ZNF385B: variants seen among roughly 807,000 people sequenced by gnomAD.
ZNF385B encodes the protein zinc finger protein 385B, also known as zinc finger protein 533.
A neutral mutation model predicts 39.2 loss-of-function variants in ZNF385B; 23 were observed. That is an observed-to-expected ratio of 0.59 (90% CI 0.42 to 0.83). ZNF385B has a LOEUF of 0.83. Among genes scored for constraint, ZNF385B ranks in the 40% least tolerant of loss-of-function variants. ZNF385B has a pLI of 0.00. For missense variants in ZNF385B, 552 were observed against 598.9 expected (o/e 0.92, Z 0.82); for synonymous variants, 205 against 222.6 (o/e 0.92, Z 0.70).
chr2:179,542,336 A>G (rs927141057), intron 4 of ZNF385B, among the ~76,000 whole-genome samples: 10 of 152,240 alleles, frequency 6.6e-5, no homozygotes, highest in African/African-American at 1.9e-4. Flanking sequence ...CTCCTGTTTG[A>G]TAAATGCCAC....
intron 3 of ZNF385B, among the ~76,000 whole-genome samples, chr2:179,618,173 T>TA (rs1183486058): frequency 2.6e-5 from 4 of 152,134 alleles, no homozygotes; most frequent in South Asian, 2.1e-4. Context: ...CAAGGAAGAA[T>TA]AAAAAAACAT....
chr2:179,662,070 T>G (rs1205663028), intron 3 of ZNF385B, among the ~76,000 whole-genome samples: 1 of 152,212 alleles, frequency 6.6e-6, no homozygotes, highest in South Asian at 2.1e-4. Flanking sequence ...GGGATATAGA[T>G]TTGTTATTAG....
intron 1 of ZNF385B, among the ~76,000 whole-genome samples, chr2:179,775,778 A>T (rs1413510985): frequency 2.6e-5 from 4 of 152,348 alleles, no homozygotes. Context: ...CTATTCTGTA[A>T]TGGAGACTCT....
intron 1 of ZNF385B, among the ~76,000 whole-genome samples, chr2:179,796,945 TA>T (rs1559202979): frequency 6.6e-6 from 1 of 152,140 alleles, no homozygotes; most frequent in African/African-American, 2.4e-5. Context: ...AGGATTCTGG[TA>T]AATTTTAAGC....
chr2:179,564,388 A>C (rs1684309744), intron 3 of ZNF385B, among the ~76,000 whole-genome samples: 1 of 152,108 alleles, frequency 6.6e-6, no homozygotes, highest in Admixed American at 6.6e-5. Flanking sequence ...GATCCAAAGG[A>C]GGCACCAGGC....
intron 5 of ZNF385B, among the ~76,000 whole-genome samples, chr2:179,497,998 T>A (rs72950593): frequency 1.3e-5 from 2 of 152,150 alleles, no homozygotes; most frequent in Non-Finnish European, 2.9e-5. Flanking sequence ...AAGGGGTCAA[T>A]GCAGCAAAAT....
intron 3 of ZNF385B, 53 bp from the exon 4 acceptor site, chr2:179,545,022 C>T (rs1303586403): frequency 6.2e-7 from 1 of 1,610,524 alleles, no homozygotes; most frequent in Non-Finnish European, 8.5e-7. Flanking sequence ...ATCCATCTCC[C>T]TCCCAAACCT....
rs549535071 is a variant in ZNF385B at position 179,677,345 on chromosome 2, T to C, written c.298+92158A>G. Among the ~76,000 whole-genome samples, 14 of 152,328 alleles carry C rather than the reference T, an allele frequency of 9.2e-5. No individual in the cohort carries two copies. In the South Asian group the frequency reaches 2.5e-3, roughly 27 times the overall value. ...AAGATCTCTGTTGCCCGTGTGATTA[T>C]AGCCTATTAAAAATATGTTCTCTGC... On this transcript the variant is annotated intron_variant, in intron 3 of 9. Transcript: ENST00000410066.
intron 3 of ZNF385B, among the ~76,000 whole-genome samples, chr2:179,711,872 A>G (rs1700018910): frequency 1.3e-5 from 2 of 148,930 alleles, no homozygotes; most frequent in Admixed American, 1.3e-4. Flanking sequence ...AAAATGCTAT[A>G]TAAACTGCAT....
intron 3 of ZNF385B, among the ~76,000 whole-genome samples, chr2:179,725,558 T>C (rs1700952219): frequency 1.3e-5 from 2 of 151,668 alleles, no homozygotes; most frequent in Non-Finnish European, 2.9e-5. Flanking sequence ...TTAAGTGTTG[T>C]CTTTTTCACA....
In ZNF385B at chr2:179,475,925, G is replaced by C. The variant is rs917379101; in HGVS notation, c.715+7347C>G. On this transcript the variant is annotated intron_variant, in intron 6 of 9. Coordinates refer to ENST00000410066, the MANE Select transcript of ZNF385B (RefSeq NM_152520.6). ...CCAGCTACTTGGGAGGCAGAGGCAG[G>C]AGAATCACTTGAATTTGGGAGGCAG... Among the ~76,000 whole-genome samples, 97 of 148,216 alleles carry C rather than the reference G, an allele frequency of 6.5e-4. 1 individual carries two copies. Among genetic ancestry groups the C allele is most frequent in the African/African-American group, 2.2e-3 (89 of 40,166 alleles).
chr2:179,792,541 T>C (rs896814479), intron 1 of ZNF385B, among the ~76,000 whole-genome samples: 1 of 150,840 alleles, frequency 6.6e-6, no homozygotes, highest in Non-Finnish European at 1.5e-5. Flanking sequence ...GCCTGGCTAA[T>C]TTTTTGTATT....
chr2:179,495,513 A>G (rs769899054), intron 5 of ZNF385B, among the ~76,000 whole-genome samples: 1 of 152,178 alleles, frequency 6.6e-6, no homozygotes, highest in Non-Finnish European at 1.5e-5. Context: ...GCGTAAACAT[A>G]GGCAGCAGCC....
chr2:179,854,813 C>T (rs1684452729), intron 1 of ZNF385B, among the ~76,000 whole-genome samples: 1 of 152,128 alleles, frequency 6.6e-6, no homozygotes. Context: ...ATTATGTCTT[C>T]TTAATTGTGT....
rs59752136 is a variant in ZNF385B at position 179,813,577 on chromosome 2, T to C, written c.-154-42905A>G. Among the ~76,000 whole-genome samples the C allele has an allele frequency of 9.4e-3, 1,434 of 152,194 alleles. 19 individuals carry two copies. Among genetic ancestry groups the C allele is most frequent in the African/African-American group, 0.033 (1,370 of 41,536 alleles). On this transcript the variant is annotated intron_variant, in intron 1 of 9. Transcript: ENST00000410066. ...AAGGATAAGCAGGGAAAATTCATAA[T>C]AGAAAAATAAATGACTACTGTAAAC...
chr2:179,688,754 A>C (rs774144642), intron 3 of ZNF385B, among the ~76,000 whole-genome samples: 4 of 152,312 alleles, frequency 2.6e-5, no homozygotes, highest in Non-Finnish European at 5.9e-5. Flanking sequence ...GTTGTACAAT[A>C]GATCTCTTGA....
intron 3 of ZNF385B, among the ~76,000 whole-genome samples, chr2:179,696,890 C>A (rs953498944): frequency 1.3e-5 from 2 of 152,092 alleles, no homozygotes; most frequent in Non-Finnish European, 2.9e-5. Flanking sequence ...CTTAATTCAG[C>A]CCCGTAAAGA....
At chr2:179,654,391 C>G (rs6760409) in intron 3 of ZNF385B, among the ~76,000 whole-genome samples, 20,087 of 152,114 alleles carry the variant, frequency 0.13, 2,013 homozygotes, top group African/African-American at 0.28. Context: ...CCCCCTACCC[C>G]CTTCGAGTGC....
At chr2:179,835,508 T>G (rs933649895) in intron 1 of ZNF385B, among the ~76,000 whole-genome samples, 6 of 151,998 alleles carry the variant, frequency 3.9e-5, no homozygotes, top group African/African-American at 1.5e-4. Context: ...GTGCTGGTGG[T>G]GGGGGGGCCA....
Sources: allele counts gnomAD v4.1 joint callset (sites outside exome capture counted in the v4.1 genomes callset), GRCh38; gene constraint gnomAD v4.1.1; transcripts MANE v1.5; gene names NCBI Gene and HGNC (gene_info 2026-07-23, HGNC 2026-07-21).